RANBP2: variants seen among roughly 807,000 people sequenced by gnomAD.
RANBP2 encodes the protein E3 SUMO-protein ligase RanBP2.
In RANBP2, 57 loss-of-function variants were observed where a neutral mutation model predicts 303.6. That is an observed-to-expected ratio of 0.19 (90% CI 0.15 to 0.23). The LOEUF (loss-of-function observed/expected upper bound fraction) is 0.23. Among genes scored for constraint, RANBP2 ranks in the 10% least tolerant of loss-of-function variants. RANBP2 has a pLI of 1.00. For missense variants in RANBP2, 3,138 were observed against 3,780.8 expected (o/e 0.83, Z 4.46); for synonymous variants, 1,167 against 1,301.5 (o/e 0.90, Z 2.23).
chr2:109,031,332 G>C, the RANBP2 span, among the ~76,000 whole-genome samples: 10 of 152,196 alleles, frequency 6.6e-5, no homozygotes, highest in African/African-American at 2.4e-4. Flanking sequence ...GGGTGGGGTA[G>C]AGACGGGAAC....
the RANBP2 span, chr2:109,436,975 C>T: frequency 3.1e-6 from 5 of 1,613,906 alleles, no homozygotes; most frequent in East Asian, 6.7e-5. Context: ...CACAACCATG[C>T]ACCCAGGCAG....
the RANBP2 span, among the ~76,000 whole-genome samples, chr2:109,188,584 C>T: frequency 2.0e-5 from 3 of 152,184 alleles, no homozygotes; most frequent in Non-Finnish European, 2.9e-5. Context: ...GGGCAGGGGT[C>T]CCGTCCCCTC....
chr2:109,028,167 A>T, the RANBP2 span, among the ~76,000 whole-genome samples: 1 of 152,190 alleles, frequency 6.6e-6, no homozygotes, highest in Admixed American at 6.5e-5. Context: ...ACTACTCAGG[A>T]GGCTGAGGTG....
At chr2:109,205,795 G>A in the RANBP2 span, among the ~76,000 whole-genome samples, 2 of 152,158 alleles carry the variant, frequency 1.3e-5, no homozygotes, top group Non-Finnish European at 1.5e-5. Flanking sequence ...AGCAGCGGGG[G>A]GATCAGAGAC....
chr2:108,846,694 C>T, the RANBP2 span: 1 of 1,524,596 alleles, frequency 6.6e-7, no homozygotes, highest in Non-Finnish European at 8.9e-7. Flanking sequence ...AAGATATATT[C>T]TGAACATGAA....
chr2:109,199,366 AATG>A, the RANBP2 span, among the ~76,000 whole-genome samples: 1 of 50,220 alleles, frequency 2.0e-5, no homozygotes, highest in Non-Finnish European at 5.0e-5. Flanking sequence ...AATGGAATGG[AATG>A]GAATGGAATG....
the RANBP2 span, among the ~76,000 whole-genome samples, chr2:109,646,015 C>T: frequency 0.014 from 2,146 of 152,272 alleles, 43 homozygotes; most frequent in African/African-American, 0.049. Context: ...TCAAAGGAAA[C>T]GTGAAGCCTG....
the RANBP2 span, among the ~76,000 whole-genome samples, chr2:109,212,008 G>A: frequency 2.6e-5 from 4 of 152,220 alleles, no homozygotes; most frequent in South Asian, 8.3e-4. Context: ...TTCAATAAAT[G>A]ACTGATTGAG....
chr2:108,920,297 A>G, the RANBP2 span, among the ~76,000 whole-genome samples: 5 of 152,184 alleles, frequency 3.3e-5, no homozygotes, highest in Non-Finnish European at 5.9e-5. Flanking sequence ...AGATGAGGAC[A>G]CTTTCCCAGG....
the RANBP2 span, among the ~76,000 whole-genome samples, chr2:109,466,945 CTATA>C: frequency 0.04 from 6,126 of 151,824 alleles, 227 homozygotes; most frequent in African/African-American, 0.096. Context: ...ATGTGTGTGT[CTATA>C]TATCTGTGTG....
the RANBP2 span, among the ~76,000 whole-genome samples, chr2:109,132,337 T>G: frequency 6.6e-6 from 1 of 152,200 alleles, no homozygotes; most frequent in Non-Finnish European, 1.5e-5. Flanking sequence ...GACAGCTTTA[T>G]TTAAAAAAAA....
chr2:109,453,862 G>C, the RANBP2 span, among the ~76,000 whole-genome samples: 1 of 152,194 alleles, frequency 6.6e-6, no homozygotes, highest in African/African-American at 2.4e-5. Context: ...ACAGATGGGA[G>C]GATCCTTGGC....
At chr2:109,533,009 G>A in the RANBP2 span, among the ~76,000 whole-genome samples, 1 of 152,084 alleles carries the variant, frequency 6.6e-6, no homozygotes, top group Non-Finnish European at 1.5e-5. Context: ...ATAAGGTCCT[G>A]CCCTCTTGGG....
chr2:108,793,037 C>A, the RANBP2 span, among the ~76,000 whole-genome samples: 1 of 150,654 alleles, frequency 6.6e-6, no homozygotes, highest in Non-Finnish European at 1.5e-5. Flanking sequence ...GCACTCCAGT[C>A]TGGGCGACAG....
At chr2:108,740,029 T>C (rs1695949327) in intron 6 of RANBP2, among the ~76,000 whole-genome samples, 1 of 152,182 alleles carries the variant, frequency 6.6e-6, no homozygotes, top group South Asian at 2.1e-4. Context: ...TGTAATGATC[T>C]ATATAGTAAA....
At chr2:109,205,910 A>G in the RANBP2 span, among the ~76,000 whole-genome samples, 1 of 152,108 alleles carries the variant, frequency 6.6e-6, no homozygotes, top group African/African-American at 2.4e-5. Flanking sequence ...GTTATGAATT[A>G]TTTGTTGACT....
At chr2:109,453,004 C>T in the RANBP2 span, among the ~76,000 whole-genome samples, 8 of 151,844 alleles carry the variant, frequency 5.3e-5, no homozygotes, top group South Asian at 6.3e-4. Flanking sequence ...GGCTGGTCCC[C>T]GGGAAACTGG....
the RANBP2 span, among the ~76,000 whole-genome samples, chr2:109,368,716 A>G: frequency 6.6e-6 from 1 of 150,828 alleles, no homozygotes; most frequent in African/African-American, 2.4e-5. Flanking sequence ...TTTAAAAAAA[A>G]AAAAAAAGAA....
the RANBP2 span, among the ~76,000 whole-genome samples, chr2:109,717,287 A>AC: frequency 6.6e-6 from 1 of 151,310 alleles, no homozygotes; most frequent in Non-Finnish European, 1.5e-5. Context: ...AAAAAAAAAA[A>AC]AAAACCCAGT....
Sources: allele counts gnomAD v4.1 joint callset (sites outside exome capture counted in the v4.1 genomes callset), GRCh38; gene constraint gnomAD v4.1.1; transcripts MANE v1.5; gene names NCBI Gene and HGNC (gene_info 2026-07-23, HGNC 2026-07-21).